Variants in KAZN observed in about 807,000 individuals in gnomAD.
The protein encoded by KAZN is kazrin.
KAZN carries 40 observed loss-of-function variants against 87.4 expected under a neutral mutation model. That is an observed-to-expected ratio of 0.46 (90% CI 0.36 to 0.60). The LOEUF (loss-of-function observed/expected upper bound fraction) is 0.60, where lower values mean the gene tolerates loss of function less well. KAZN is among the 20% of genes least tolerant of loss of function. The pLI, the probability that KAZN is intolerant of heterozygous loss-of-function variation, is 0.00. For missense variants in KAZN, 898 were observed against 1,073.9 expected (o/e 0.84, Z 2.29); for synonymous variants, 466 against 458.3 (o/e 1.02, Z -0.22).
At chr1:15,092,080 T>A (rs1640570775) in intron 8 of KAZN, among the ~76,000 whole-genome samples, 1 of 147,704 alleles carries the variant, frequency 6.8e-6, no homozygotes, top group African/African-American at 2.5e-5. Flanking sequence ...TTGATTTTTT[T>A]TTTTTTTTTT....
At chr1:14,956,478 A>G (rs1034235946) in intron 1 of KAZN, among the ~76,000 whole-genome samples, 3 of 151,738 alleles carry the variant, frequency 2.0e-5, no homozygotes, top group Non-Finnish European at 4.4e-5. Flanking sequence ...GCGGGTTTGT[A>G]GCCTGTAATC....
At position 15,099,997 on chromosome 1, in the gene KAZN, A is replaced by T. The variant is rs975532712; in HGVS notation, c.1548-1546A>T. 2.6e-5 allele frequency among the ~76,000 whole-genome samples: 4 copies of T among 152,106 alleles called. No homozygotes were observed. Among genetic ancestry groups the T allele is most frequent in the Non-Finnish European group, 1.5e-5 (1 of 68,030 alleles). On this transcript the variant is annotated intron_variant, in intron 10 of 14. Transcript: ENST00000376030. This position sits in a 1 kb window ranked among gnomAD's most constrained non-coding sequence, Gnocchi z 5.4. ...CAGTGACAGTGAAGGGGAACAACTG[A>T]GCCATTAAGTATGACACGTCTGTGA...
chr1:14,073,005 A>T (rs995661024), intron 1 of KAZN, among the ~76,000 whole-genome samples: 1 of 152,326 alleles, frequency 6.6e-6, no homozygotes, highest in South Asian at 2.1e-4. Flanking sequence ...TTCTGAATCT[A>T]TAAAAGTTAC....
At chr1:15,035,031 C>T (rs1341026890) in intron 3 of KAZN, 146 bp downstream of exon 3, 10 of 999,580 alleles carry the variant, frequency 1.0e-5, no homozygotes, top group South Asian at 1.6e-5. Flanking sequence ...GCCTAGGCAC[C>T]GAGATAAAAC....
At chr1:14,288,657 G>T (rs1189368021) in intron 2 of KAZN, among the ~76,000 whole-genome samples, 1 of 152,016 alleles carries the variant, frequency 6.6e-6, no homozygotes, top group Non-Finnish European at 1.5e-5. Context: ...TATTTGAAGG[G>T]TTTTTTTGTG....
At chr1:14,414,533 TAA>T (rs1358935032) in intron 2 of KAZN, among the ~76,000 whole-genome samples, 1 of 151,904 alleles carries the variant, frequency 6.6e-6, no homozygotes, top group Non-Finnish European at 1.5e-5. Flanking sequence ...TAGCAAAAAA[TAA>T]GTTTCAGAAT....
At chr1:14,954,249 A>G (rs896103063) in intron 1 of KAZN, among the ~76,000 whole-genome samples, 1 of 152,218 alleles carries the variant, frequency 6.6e-6, no homozygotes, top group African/African-American at 2.4e-5. Flanking sequence ...GAACTCTGCT[A>G]AGTCTATGGG....
At chr1:14,366,510 AGCCAGCTGCTTCGGC>A (rs748605052) in intron 2 of KAZN, among the ~76,000 whole-genome samples, 18 of 152,370 alleles carry the variant, frequency 1.2e-4, no homozygotes, top group Non-Finnish European at 8.8e-5. Flanking sequence ...CACTGGAGCT[AGCCAGCTGCTTCGGC>A]GCCAGCAGGG....
chr1:14,976,615 GGC>G (rs1665650574), intron 2 of KAZN, among the ~76,000 whole-genome samples: 2 of 152,324 alleles, frequency 1.3e-5, no homozygotes, highest in South Asian at 4.1e-4. Flanking sequence ...CCCCAGAGGA[GGC>G]CGGGAGGGGC....
chr1:14,838,302 G>A (rs563106529), intron 1 of KAZN, among the ~76,000 whole-genome samples: 2 of 152,164 alleles, frequency 1.3e-5, no homozygotes, highest in Non-Finnish European at 1.5e-5. Context: ...CTATCACATT[G>A]ATAAGTTTCA....
intron 1 of KAZN, among the ~76,000 whole-genome samples, chr1:14,879,269 C>T (rs1181030798): frequency 6.6e-6 from 1 of 152,162 alleles, no homozygotes; most frequent in Non-Finnish European, 1.5e-5. Flanking sequence ...TTCACCATCT[C>T]GTGAGGTGGT....
intron 2 of KAZN, among the ~76,000 whole-genome samples, chr1:14,480,603 T>C (rs1669017937): frequency 6.9e-6 from 1 of 144,172 alleles, no homozygotes; most frequent in South Asian, 2.1e-4. Context: ...TATATTATAT[T>C]TTATATAATG....
intron 2 of KAZN, among the ~76,000 whole-genome samples, chr1:14,297,531 C>T (rs1654218560): frequency 2.6e-5 from 4 of 152,068 alleles, no homozygotes; most frequent in Admixed American, 2.6e-4. Flanking sequence ...CTCCTGGGCT[C>T]AGATCAGCTC....
chr1:14,835,287 T>C (rs1177961068), intron 1 of KAZN, among the ~76,000 whole-genome samples: 2 of 152,130 alleles, frequency 1.3e-5, no homozygotes, highest in East Asian at 3.8e-4. Flanking sequence ...AAGCTCTAAA[T>C]TGAAGAAAAA....
At chr1:15,026,877 G>A (rs763008819) in intron 2 of KAZN, among the ~76,000 whole-genome samples, 1 of 151,980 alleles carries the variant, frequency 6.6e-6, no homozygotes, top group Admixed American at 6.6e-5. Flanking sequence ...TACAGTACAC[G>A]GGAGGACGTG....
intron 2 of KAZN, among the ~76,000 whole-genome samples, chr1:14,481,713 G>T (rs1669094284): frequency 6.6e-6 from 1 of 152,294 alleles, no homozygotes; most frequent in African/African-American, 2.4e-5. Flanking sequence ...TGGAAAACTG[G>T]GAGATGTATA....
chr1:13,995,377 A>T (rs1434420314), intron 1 of KAZN, among the ~76,000 whole-genome samples: 1 of 152,254 alleles, frequency 6.6e-6, no homozygotes, highest in African/African-American at 2.4e-5. Context: ...AGCAAGATGC[A>T]AAAATAAACT....
intron 2 of KAZN, among the ~76,000 whole-genome samples, chr1:14,290,874 C>A (rs910345509): frequency 6.6e-6 from 1 of 152,150 alleles, no homozygotes; most frequent in Non-Finnish European, 1.5e-5. Flanking sequence ...GTGTGGATGT[C>A]CTTTTTGTTG....
chr1:14,743,848 G>A (rs1487896394), intron 1 of KAZN, among the ~76,000 whole-genome samples: 1 of 152,132 alleles, frequency 6.6e-6, no homozygotes, highest in Admixed American at 6.5e-5. Flanking sequence ...ATGGCCAAGA[G>A]ATTGGAAAAT....
Sources: allele counts gnomAD v4.1 joint callset (sites outside exome capture counted in the v4.1 genomes callset), GRCh38; gene constraint gnomAD v4.1.1; non-coding constraint Gnocchi (gnomAD v3.1); transcripts MANE v1.5; gene names NCBI Gene and HGNC (gene_info 2026-07-23, HGNC 2026-07-21).